Variants in TBCK observed in about 807,000 individuals in gnomAD.
TBCK encodes the protein TBC1 domain containing kinase.
Under a neutral mutation model 113.4 loss-of-function variants are expected in TBCK, and 99 were observed. The observed-to-expected ratio is 0.87, with a 90% CI of 0.74 to 1.03. The LOEUF is 1.03. Ranked by LOEUF, TBCK falls within the 50% of genes least tolerant of loss-of-function variation. The pLI is 0.00. For missense variants in TBCK, 1,045 were observed against 1,061.3 expected (o/e 0.98, Z 0.21); for synonymous variants, 369 against 370.8 (o/e 1.00, Z 0.05).
chr4:106,054,820 C>T (rs1451545595), intron 25 of TBCK, among the ~76,000 whole-genome samples: 3 of 151,596 alleles, frequency 2.0e-5, no homozygotes, highest in African/African-American at 4.8e-5. Flanking sequence ...AGTAAGGAAT[C>T]TGACTGGCTC....
chr4:106,289,647 AGT>A (rs1177116051), intron 3 of TBCK, among the ~76,000 whole-genome samples: 1 of 151,832 alleles, frequency 6.6e-6, no homozygotes, highest in Non-Finnish European at 1.5e-5. Context: ...GCATGCCTGT[AGT>A]CCCAGCTGCT....
At chr4:106,268,939 T>C (rs1763235066) in intron 3 of TBCK, among the ~76,000 whole-genome samples, 1 of 152,108 alleles carries the variant, frequency 6.6e-6, no homozygotes, top group South Asian at 2.1e-4. Context: ...AGATCCATGA[T>C]CCATGATATT....
intron 25 of TBCK, among the ~76,000 whole-genome samples, chr4:106,085,365 CAAAG>C (rs1320888611): frequency 1.3e-5 from 2 of 152,068 alleles, no homozygotes; most frequent in Non-Finnish European, 2.9e-5. Context: ...TCATAAAAGA[CAAAG>C]AAGGGCATTA....
intron 22 of TBCK, among the ~76,000 whole-genome samples, chr4:106,185,867 T>C (rs1162067091): frequency 6.6e-6 from 1 of 152,112 alleles, no homozygotes; most frequent in Admixed American, 6.6e-5. Context: ...ATTTTTTCGA[T>C]CTTCTTCCTC....
chr4:106,273,063 A>G (rs775874782), intron 3 of TBCK, among the ~76,000 whole-genome samples: 1 of 152,182 alleles, frequency 6.6e-6, no homozygotes, highest in Non-Finnish European at 1.5e-5. Flanking sequence ...TAATAGGTCT[A>G]TCCACCTTTT....
intron 3 of TBCK, among the ~76,000 whole-genome samples, chr4:106,276,337 A>C (rs1764022106): frequency 6.6e-6 from 1 of 152,234 alleles, no homozygotes; most frequent in African/African-American, 2.4e-5. Flanking sequence ...ATGACTTCGG[A>C]GTAGGCAAAG....
chr4:106,235,276 C>G lies in TBCK; in HGVS notation c.1442G>C (p.Gly481Ala). The G allele has an allele frequency of 6.3e-7, 1 of 1,599,334 alleles. No individual in the cohort carries two copies. Among genetic ancestry groups the G allele is most frequent in the Non-Finnish European group, 8.5e-7 (1 of 1,173,708 alleles). Reference sequence around the variant, plus strand: ...CTTTTCTTTTTTCCTTACCTCAACTCCCAGAAGAGCAGCCCAGGTTAAACC... The same window carrying G: ...CTTTTCTTTTTTCCTTACCTCAACTGCCAGAAGAGCAGCCCAGGTTAAACC... ...MRGLTWAALLGVEGAIHAKYD... is the reference protein window; with the variant it reads ...MRGLTWAALLAVEGAIHAKYD... The change falls in exon 15 of 26, where the codon GGA becomes GCA. Residue 481 changes from glycine (G) to alanine (A), a missense_variant. Physicochemically the swap from Gly to Ala is moderately conservative, Grantham distance 60. Transcript: ENST00000394708.
At chr4:106,239,535 A>G (rs1759854007) in intron 12 of TBCK, among the ~76,000 whole-genome samples, 1 of 152,076 alleles carries the variant, frequency 6.6e-6, no homozygotes, top group South Asian at 2.1e-4. Flanking sequence ...GCTATTTTAT[A>G]AAGGATGGCC....
chr4:106,208,042 T>A (rs766254452), intron 20 of TBCK, among the ~76,000 whole-genome samples: 47 of 152,216 alleles, frequency 3.1e-4, no homozygotes, highest in African/African-American at 7.5e-4. Flanking sequence ...CAATGAGTGG[T>A]TGGGGGTCAG....
intron 25 of TBCK, among the ~76,000 whole-genome samples, chr4:106,094,357 A>T (rs1321744979): frequency 6.6e-6 from 1 of 152,174 alleles, no homozygotes; most frequent in African/African-American, 2.4e-5. Context: ...AAATTCAAGA[A>T]GTGTTTTTTG....
chr4:106,044,603 G>A lies in TBCK; in HGVS notation c.*1967C>T, dbSNP rs942406102. The stretch of plus-strand genomic sequence containing the variant: ...GATACTCATATGCAAGAATGAACCT[G>A]GACCCCTCACTCCATATACAAAAAT... On this transcript the variant is annotated 3_prime_UTR_variant, in exon 26 of 26. Coordinates refer to ENST00000394708, the MANE Select transcript of TBCK (RefSeq NM_001163435.3). 1 of 152,126 alleles carries A rather than the reference G, an allele frequency of 6.6e-6. No individual in the cohort carries two copies. Among genetic ancestry groups the A allele is most frequent in the African/African-American group, 2.4e-5 (1 of 41,422 alleles). 9.4% of individuals were successfully genotyped at this position (152,126 alleles called of 1,614,324 possible). A position where few individuals can be genotyped will look rare whatever the true frequency, so the allele number is the denominator to read the frequency against.
At chr4:106,089,646 T>C (rs1201382969) in intron 25 of TBCK, among the ~76,000 whole-genome samples, 1 of 152,194 alleles carries the variant, frequency 6.6e-6, no homozygotes, top group Non-Finnish European at 1.5e-5. Context: ...CAATATACAA[T>C]GGTGCTACAG....
At chr4:106,141,638 C>A (rs1747152306) in intron 23 of TBCK, among the ~76,000 whole-genome samples, 1 of 139,546 alleles carries the variant, frequency 7.2e-6, no homozygotes. Flanking sequence ...ATAAGATATC[C>A]CAATAATAAC....
intron 3 of TBCK, among the ~76,000 whole-genome samples, chr4:106,266,476 T>C (rs999613200): frequency 1.3e-5 from 2 of 151,894 alleles, no homozygotes; most frequent in African/African-American, 4.8e-5. Context: ...GTTCTGAAAC[T>C]ACTGAACACA....
At chr4:106,240,278 T>C (rs1759945031) in intron 12 of TBCK, among the ~76,000 whole-genome samples, 1 of 151,998 alleles carries the variant, frequency 6.6e-6, no homozygotes, top group Admixed American at 6.6e-5. Flanking sequence ...AGCAAACTTT[T>C]AAAACCAGAA....
At chr4:106,053,238 A>G (rs1000660134) in intron 25 of TBCK, among the ~76,000 whole-genome samples, 1 of 151,374 alleles carries the variant, frequency 6.6e-6, no homozygotes, top group East Asian at 1.9e-4. Context: ...ATCTCTTTTC[A>G]TTTCTTTGCA....
intron 23 of TBCK, among the ~76,000 whole-genome samples, chr4:106,122,545 T>C (rs1363726246): frequency 1.3e-5 from 2 of 152,214 alleles, no homozygotes; most frequent in Admixed American, 6.5e-5. Context: ...ATCATCCTGA[T>C]ACCAAAGCCT....
Position 106,221,077 on chromosome 4 carries a change from A to G in TBCK, c.1775-8242T>C, listed in dbSNP as rs935516532. Among the ~76,000 whole-genome samples, 4 of 152,278 alleles carry G rather than the reference A, an allele frequency of 2.6e-5. No homozygotes were observed. In the East Asian group the frequency reaches 5.8e-4, roughly 22 times the overall value. ...ATAAAAATAATTACTATGTAAAATT[A>G]CATGGCTAATTAAGGATCTGCTGAA... On this transcript the variant is annotated intron_variant, in intron 19 of 25. Transcript: ENST00000394708.
chr4:106,301,436 A>G (rs1376243023), intron 2 of TBCK, among the ~76,000 whole-genome samples: 1 of 152,178 alleles, frequency 6.6e-6, no homozygotes, highest in Non-Finnish European at 1.5e-5. Context: ...CAAGCTCACA[A>G]GAAAAGATAA....
Sources: gnomAD v4.1 joint callset for allele counts (sites outside exome capture counted in the v4.1 genomes callset) on GRCh38, gnomAD v4.1.1 for gene constraint, MANE v1.5 for transcripts, NCBI Gene and HGNC (gene_info 2026-07-23, HGNC 2026-07-21) for gene names.